Variants in SH3GL3 observed in about 807,000 individuals in gnomAD.
SH3GL3 encodes SH3 domain containing GRB2 like 3, endophilin A3.
A neutral mutation model predicts 47.7 loss-of-function variants in SH3GL3; 33 were observed. That is an observed-to-expected ratio of 0.69 (90% CI 0.52 to 0.92). The LOEUF (loss-of-function observed/expected upper bound fraction) is 0.92. SH3GL3 is among the 40% of genes least tolerant of loss of function. The probability of loss-of-function intolerance (pLI) is 0.00; values close to 1 mark genes in which losing one functional copy is unlikely to be tolerated. For missense variants in SH3GL3, 363 were observed against 417.8 expected, an observed-to-expected ratio of 0.87 and a Z score of 1.14; for synonymous variants, 155 against 148.8, an observed-to-expected ratio of 1.04 and a Z score of -0.30.
chr15:83,483,868 G>A (rs1277413570), intron 1 of SH3GL3, among the ~76,000 whole-genome samples: 1 of 152,184 alleles, frequency 6.6e-6, no homozygotes. Flanking sequence ...ATTTCTCAAA[G>A]CTGCTGCCAG....
rs530933429 is a variant in SH3GL3, at chr15:83,549,307, G to A, written c.46-9946G>A. On this transcript the variant is annotated intron_variant, in intron 1 of 8. Transcript: ENST00000427482. ...ATGCCAAATTATTTTTATTTGAATG[G>A]CACATATTGTGTGTGAAGAATTGTA... Among the ~76,000 whole-genome samples, 2 of 152,286 alleles carry A rather than the reference G, an allele frequency of 1.3e-5. 1 individual carries two copies. Among genetic ancestry groups the A allele is most frequent in the South Asian group, 4.1e-4 (2 of 4,822 alleles).
At position 83,490,091 on chromosome 15, in the gene SH3GL3, G is replaced by A. The variant is rs945236672; in HGVS notation, c.45+42513G>A. 5.3e-5 allele frequency among the ~76,000 whole-genome samples: 8 copies of A among 152,142 alleles called. No individual in the cohort carries two copies. The East Asian group carries it at 1.2e-3, about 22-fold the overall frequency. On this transcript the variant is annotated intron_variant, in intron 1 of 8. Coordinates refer to ENST00000427482, the MANE Select transcript of SH3GL3 (RefSeq NM_003027.5). ...TGTATGGCCCACAGAGGCCAGCTAA[G>A]AGATTGGGAGAAGGTTGTTGACCTT...
At position 83,448,124 on chromosome 15, in the gene SH3GL3, C is replaced by G. The variant is rs1022092061; in HGVS notation, c.45+546C>G. Among the ~76,000 whole-genome samples, 3 of 152,184 alleles carry G rather than the reference C, an allele frequency of 2.0e-5. No individual in the cohort carries two copies. The highest frequency in any genetic ancestry group is 7.2e-5 in the African/African-American group (3 of 41,452). ...TGCCCGGCTCCCCGGCTGGGGCTCTCTACCGCGGTCCTTCCCCTCCCCACC... is the reference window on the plus strand; with the variant it reads ...TGCCCGGCTCCCCGGCTGGGGCTCTGTACCGCGGTCCTTCCCCTCCCCACC... On this transcript the variant is annotated intron_variant, in intron 1 of 8. Coordinates refer to ENST00000427482, the MANE Select transcript of SH3GL3 (RefSeq NM_003027.5). This position sits in a 1 kb window ranked among gnomAD's most constrained non-coding sequence, Gnocchi z 4.2.
At chr15:83,629,407 T>C in the SH3GL3 span, among the ~76,000 whole-genome samples, 1 of 152,248 alleles carries the variant, frequency 6.6e-6, no homozygotes, top group African/African-American at 2.4e-5. Context: ...TGTAAAAGCA[T>C]GGTCAATTTA....
downstream of SH3GL3, among the ~76,000 whole-genome samples, chr15:83,621,006 A>G (rs1048116461): frequency 1.3e-5 from 2 of 152,124 alleles, no homozygotes; most frequent in African/African-American, 2.4e-5. Flanking sequence ...AACCTCATGA[A>G]CCCACCCCTG....
intron 3 of SH3GL3, among the ~76,000 whole-genome samples, chr15:83,566,874 A>G (rs1158715216): frequency 6.6e-6 from 1 of 152,214 alleles, no homozygotes; most frequent in African/African-American, 2.4e-5. Flanking sequence ...CTATTGCTGG[A>G]GATGCAGAAT....
chr15:83,577,691 C>A (rs768017525), intron 6 of SH3GL3, among the ~76,000 whole-genome samples: 1 of 152,124 alleles, frequency 6.6e-6, no homozygotes, highest in Non-Finnish European at 1.5e-5. Context: ...CACGCCAGCC[C>A]CTGACTCAAT....
chr15:83,449,351 G>C (rs2151483147), intron 1 of SH3GL3, among the ~76,000 whole-genome samples: 1 of 152,318 alleles, frequency 6.6e-6, no homozygotes, highest in African/African-American at 2.4e-5. Flanking sequence ...TCCTCAGCTG[G>C]TACAGCCAGG....
At chr15:83,473,311 G>T (rs1175738049) in intron 1 of SH3GL3, among the ~76,000 whole-genome samples, 1 of 152,034 alleles carries the variant, frequency 6.6e-6, no homozygotes, top group Non-Finnish European at 1.5e-5. Context: ...GAGGGGAGAG[G>T]GCTATTGGTT....
At chr15:83,565,810 C>G (rs2045507456) in intron 3 of SH3GL3, 1 of 152,138 alleles carries the variant, frequency 6.6e-6, no homozygotes, top group Non-Finnish European at 1.5e-5. Context: ...CTAAAGCCAC[C>G]TTTCCTTTTT....
intron 6 of SH3GL3, 97 bp downstream of exon 6, chr15:83,576,838 T>C: frequency 1.2e-6 from 1 of 815,108 alleles, no homozygotes; most frequent in Non-Finnish European, 1.9e-6. Flanking sequence ...AAAGCAGGAG[T>C]GTCCAATCTT....
intron 1 of SH3GL3, among the ~76,000 whole-genome samples, chr15:83,449,549 G>A (rs375875241): frequency 6.6e-6 from 1 of 152,212 alleles, no homozygotes; most frequent in Non-Finnish European, 1.5e-5. Context: ...GATAACGTAA[G>A]CCCTTGGGTG....
intron 1 of SH3GL3, among the ~76,000 whole-genome samples, chr15:83,491,985 C>A (rs1468537414): frequency 3.3e-5 from 5 of 152,092 alleles, no homozygotes; most frequent in Admixed American, 3.3e-4. Flanking sequence ...AATCTTCCAA[C>A]TATTTATAGA....
At chr15:83,567,584 C>T (rs2045608335) in intron 3 of SH3GL3, among the ~76,000 whole-genome samples, 1 of 152,154 alleles carries the variant, frequency 6.6e-6, no homozygotes, top group African/African-American at 2.4e-5. Flanking sequence ...CCACACAAGG[C>T]TAGTGTTCAC....
At chr15:83,557,006 C>T (rs2044996363) in intron 1 of SH3GL3, among the ~76,000 whole-genome samples, 1 of 152,208 alleles carries the variant, frequency 6.6e-6, no homozygotes, top group Non-Finnish European at 1.5e-5. Context: ...GCAGAAGTAT[C>T]TGTAGAGCCT....
intron 8 of SH3GL3, among the ~76,000 whole-genome samples, chr15:83,595,685 A>G (rs1402316584): frequency 2.0e-5 from 3 of 151,686 alleles, no homozygotes; most frequent in Non-Finnish European, 4.4e-5. Flanking sequence ...GATAGAAGGC[A>G]ATTGAGGTTA....
At chr15:83,481,707 G>A (rs903538517) in intron 1 of SH3GL3, among the ~76,000 whole-genome samples, 2 of 152,076 alleles carry the variant, frequency 1.3e-5, no homozygotes, top group Non-Finnish European at 2.9e-5. Context: ...AGGATTGATC[G>A]TTTTTTTCCC....
At position 83,618,340 on chromosome 15, in the gene SH3GL3, A is replaced by G. The variant is rs1385433804; in HGVS notation, c.*53A>G. On this transcript the variant is annotated 3_prime_UTR_variant, in exon 9 of 9. Transcript: ENST00000427482. ...TTCGTAACTGAAATGAATTCACACCAGTGTGCTCTCAGTGCGGTGTTCTGT... is the reference window on the plus strand; with the variant it reads ...TTCGTAACTGAAATGAATTCACACCGGTGTGCTCTCAGTGCGGTGTTCTGT... 3 of 1,162,264 alleles carry G rather than the reference A, an allele frequency of 2.6e-6. No homozygotes were observed. Among genetic ancestry groups the G allele is most frequent in the Non-Finnish European group, 3.9e-6 (3 of 768,846 alleles). The allele number at this position is 1,162,264 out of a possible 1,614,324, so 72.0% of individuals were successfully genotyped here.
chr15:83,514,912 T>C (rs2042917867), intron 1 of SH3GL3, among the ~76,000 whole-genome samples: 1 of 152,072 alleles, frequency 6.6e-6, no homozygotes. Context: ...TGATAACTTA[T>C]ATGAGAAGGC....
Sources: allele counts gnomAD v4.1 joint callset (sites outside exome capture counted in the v4.1 genomes callset), GRCh38; gene constraint gnomAD v4.1.1; non-coding constraint Gnocchi (gnomAD v3.1); transcripts MANE v1.5; gene names NCBI Gene and HGNC (gene_info 2026-07-23, HGNC 2026-07-21).